The following FSTL5 variants were observed in gnomAD, a reference collection of about 807,000 sequenced individuals.
FSTL5 encodes follistatin-related protein 5.
A neutral mutation model predicts 89.1 loss-of-function variants in FSTL5; 62 were observed. The observed-to-expected ratio is 0.70, with a 90% CI of 0.57 to 0.86. FSTL5 has a LOEUF of 0.86. Ranked by LOEUF, FSTL5 falls within the 40% of genes least tolerant of loss-of-function variation. FSTL5 has a pLI of 0.00. For synonymous variants in FSTL5, 383 were observed against 346.2 expected (o/e 1.11, Z -1.18); for missense variants, 1,057 against 1,001.6 (o/e 1.06, Z -0.75).
intron 3 of FSTL5, among the ~76,000 whole-genome samples, chr4:161,988,911 A>T (rs1326911809): frequency 6.6e-6 from 1 of 152,154 alleles, no homozygotes; most frequent in Non-Finnish European, 1.5e-5. Flanking sequence ...TTCTTCAAAC[A>T]CTAGTGGTCA....
intron 8 of FSTL5, among the ~76,000 whole-genome samples, chr4:161,553,735 A>G (rs192519520): frequency 6.6e-6 from 1 of 151,706 alleles, no homozygotes; most frequent in African/African-American, 2.4e-5. Context: ...ATTGTTAGCT[A>G]TAATGTATAA....
intron 4 of FSTL5, among the ~76,000 whole-genome samples, chr4:161,905,656 A>C (rs1232720811): frequency 6.6e-6 from 1 of 152,162 alleles, no homozygotes; most frequent in Non-Finnish European, 1.5e-5. Flanking sequence ...AAAGCTAAGG[A>C]AACTGCGAAT....
At chr4:161,732,749 AG>A (rs1159762376) in intron 6 of FSTL5, among the ~76,000 whole-genome samples, 1 of 151,810 alleles carries the variant, frequency 6.6e-6, no homozygotes, top group East Asian at 1.9e-4. Flanking sequence ...TTCTGTTGAA[AG>A]GATTACTCCT....
At chr4:161,764,134 AATT>A (rs1383471433) in intron 5 of FSTL5, among the ~76,000 whole-genome samples, 32 of 152,238 alleles carry the variant, frequency 2.1e-4, no homozygotes, top group African/African-American at 7.5e-4. Context: ...TAAGTGAGAT[AATT>A]ACATATTATC....
At chr4:161,499,532 A>G (rs1407812314) in intron 12 of FSTL5, among the ~76,000 whole-genome samples, 1 of 152,146 alleles carries the variant, frequency 6.6e-6, no homozygotes, top group East Asian at 1.9e-4. Context: ...AAAAAATTTG[A>G]TATTTTCCCT....
At chr4:161,878,868 C>T (rs563447229) in intron 4 of FSTL5, among the ~76,000 whole-genome samples, 1 of 152,144 alleles carries the variant, frequency 6.6e-6, no homozygotes, top group Non-Finnish European at 1.5e-5. Context: ...ATTTTTCCAT[C>T]CATTGTTTAA....
chr4:161,596,259 A>C (rs1006408029), intron 7 of FSTL5, among the ~76,000 whole-genome samples: 1 of 151,880 alleles, frequency 6.6e-6, no homozygotes, highest in Non-Finnish European at 1.5e-5. Flanking sequence ...TGGTAAATAC[A>C]TCATTTAAAA....
intron 2 of FSTL5, among the ~76,000 whole-genome samples, chr4:162,086,532 GCTTACAT>G (rs958871664): frequency 6.6e-6 from 1 of 151,620 alleles, no homozygotes; most frequent in Admixed American, 6.6e-5. Context: ...AATCATCAAA[GCTTACAT>G]CTCTGTGGGA....
chr4:161,734,858 T>G (rs1459323674), intron 6 of FSTL5, among the ~76,000 whole-genome samples: 1 of 137,830 alleles, frequency 7.3e-6, no homozygotes, highest in Non-Finnish European at 1.5e-5. Context: ...CAATTCCTAC[T>G]TGGAGACAGT....
At chr4:161,388,714 T>C (rs1189574757) in intron 15 of FSTL5, among the ~76,000 whole-genome samples, 2 of 152,076 alleles carry the variant, frequency 1.3e-5, no homozygotes, top group Admixed American at 6.6e-5. Context: ...CTAGGCTCAC[T>C]GAATAAAAGC....
At chr4:161,644,891 G>C (rs140762909) in intron 7 of FSTL5, among the ~76,000 whole-genome samples, 1 of 152,230 alleles carries the variant, frequency 6.6e-6, no homozygotes, top group Non-Finnish European at 1.5e-5. Flanking sequence ...TAATGAATTT[G>C]AGATAAATGA....
chr4:162,056,689 T>C (rs1160752320), intron 2 of FSTL5, among the ~76,000 whole-genome samples: 1 of 152,152 alleles, frequency 6.6e-6, no homozygotes, highest in African/African-American at 2.4e-5. Context: ...ATAATAGGAA[T>C]CCTTAATAAA....
intron 4 of FSTL5, among the ~76,000 whole-genome samples, chr4:161,870,544 T>C (rs1291266033): frequency 6.6e-6 from 1 of 152,140 alleles, no homozygotes; most frequent in African/African-American, 2.4e-5. Flanking sequence ...ATTTTTCTAT[T>C]TGGCAATGTT....
chr4:161,439,049 A>G (rs1281947683), intron 15 of FSTL5, among the ~76,000 whole-genome samples: 1 of 152,080 alleles, frequency 6.6e-6, no homozygotes, highest in Non-Finnish European at 1.5e-5. Context: ...TTTCTCCTGG[A>G]AATAATATAA....
At chr4:161,472,087 C>T (rs1733964938) in intron 13 of FSTL5, among the ~76,000 whole-genome samples, 1 of 151,980 alleles carries the variant, frequency 6.6e-6, no homozygotes, top group African/African-American at 2.4e-5. Flanking sequence ...CGCCATTCTC[C>T]TGCCTCAGCC....
intron 15 of FSTL5, among the ~76,000 whole-genome samples, chr4:161,402,205 A>G (rs1437233352): frequency 6.6e-6 from 1 of 152,234 alleles, no homozygotes; most frequent in East Asian, 1.9e-4. Context: ...CATCATTTGC[A>G]ACAAATGCAT....
At chr4:161,714,068 T>TA (rs1738892737) in intron 6 of FSTL5, among the ~76,000 whole-genome samples, 1 of 152,228 alleles carries the variant, frequency 6.6e-6, no homozygotes, top group South Asian at 2.1e-4. Context: ...TGTTTACTAG[T>TA]AAGCTAATAG....
chr4:162,100,111 T>C (rs1730930077), intron 2 of FSTL5, among the ~76,000 whole-genome samples: 1 of 152,214 alleles, frequency 6.6e-6, no homozygotes, highest in South Asian at 2.1e-4. Flanking sequence ...CAGAAAAATC[T>C]GCATGGGGAT....
In FSTL5 at chr4:161,854,759, A is replaced by T. The variant is rs190686440; in HGVS notation, c.409+65645T>A. 2.2e-4 allele frequency among the ~76,000 whole-genome samples: 33 copies of T among 149,280 alleles called. No individual in the cohort carries two copies. In the East Asian group the frequency reaches 6.4e-3, roughly 29 times the overall value. ...TAAGGGATGAACTCTATAAACTATG[A>T]TACACAAAATTCAGTATGTGCCATA... On this transcript the variant is annotated intron_variant, in intron 4 of 15. Coordinates refer to ENST00000306100, the MANE Select transcript of FSTL5 (RefSeq NM_020116.5).
Sources: gnomAD v4.1 joint callset for allele counts (sites outside exome capture counted in the v4.1 genomes callset) on GRCh38, gnomAD v4.1.1 for gene constraint, MANE v1.5 for transcripts, NCBI Gene and HGNC (gene_info 2026-07-23, HGNC 2026-07-21) for gene names.